The following NUP107 variants were observed in gnomAD, a reference collection of about 807,000 sequenced individuals.
NUP107 encodes nucleoporin 107, also known as nuclear pore complex protein Nup107.
In NUP107, 101 loss-of-function variants were observed where a neutral mutation model predicts 141.0. That is an observed-to-expected ratio of 0.72 (90% confidence interval 0.61 to 0.84). The LOEUF (loss-of-function observed/expected upper bound fraction) is 0.84. Among genes scored for constraint, NUP107 ranks in the 40% least tolerant of loss-of-function variants. The pLI, the probability that NUP107 is intolerant of heterozygous loss-of-function variation, is 0.00. For missense variants in NUP107, 941 were observed against 1,102.7 expected (o/e 0.85, Z 2.08); for synonymous variants, 319 against 363.9 (o/e 0.88, Z 1.41).
rs780424703 is a variant in NUP107 at position 68,689,007 on chromosome 12, G to A, written c.54G>A (p.Glu18=). 6.2e-7 allele frequency: 1 copy of A among 1,613,776 alleles called. No individual in the cohort carries two copies. The highest frequency in any genetic ancestry group is 1.1e-5 in the South Asian group (1 of 91,036). Residue 18 remains glutamate (E), a synonymous_variant, in exon 2 of 28, where the codon GAG becomes GAA. Coordinates refer to ENST00000229179, the MANE Select transcript of NUP107 (RefSeq NM_020401.4). ...EISSPVIREA[E]VTRTARKQSA... ...CATCCCCTGTAATCCGGGAGGCAGA[G>A]GTGACACGGACTGCACGGAAACAGA... is the stretch of plus-strand genomic sequence containing the variant.
intron 9 of NUP107, 91 bp downstream of exon 9, chr12:68,709,400 GT>G: frequency 2.9e-6 from 2 of 683,660 alleles, no homozygotes; most frequent in Non-Finnish European, 4.8e-6. Context: ...ACTTAAAACT[GT>G]TTTCTGAATT....
At chr12:68,719,867 C>T (rs1240270177) in intron 14 of NUP107, among the ~76,000 whole-genome samples, 1 of 152,096 alleles carries the variant, frequency 6.6e-6, no homozygotes, top group East Asian at 1.9e-4. Context: ...AAAGGAGGTA[C>T]CAAATGAATT....
chr12:68,712,117 A>C (rs1384533435), intron 10 of NUP107, among the ~76,000 whole-genome samples: 3 of 152,170 alleles, frequency 2.0e-5, no homozygotes, highest in Non-Finnish European at 4.4e-5. Flanking sequence ...GTTTATTTTA[A>C]GTCTTGCAAA....
intron 17 of NUP107, among the ~76,000 whole-genome samples, chr12:68,723,449 T>C (rs923693191): frequency 2.6e-5 from 4 of 151,830 alleles, no homozygotes; most frequent in Admixed American, 1.3e-4. Context: ...TAAAGAAACA[T>C]TTTGAAATGG....
chr12:68,702,797 T>G lies in NUP107; in HGVS notation c.729+13T>G, dbSNP rs1044333918. The G allele has an allele frequency of 6.9e-7, 1 of 1,445,856 alleles. No individual in the cohort carries two copies. Among genetic ancestry groups the G allele is most frequent in the Admixed American group, 2.1e-5 (1 of 48,672 alleles). The allele number at this position is 1,445,856 out of a possible 1,614,324, so 89.6% of individuals were successfully genotyped here. On this transcript the variant is annotated intron_variant, in intron 8 of 27. Coordinates refer to ENST00000229179, the MANE Select transcript of NUP107 (RefSeq NM_020401.4). ...ATTCGCAGTTACTGTAAGTTTTATA[T>G]TAATTTTTTCTTTTATAAATACATA...
rs1056351300 is a variant in NUP107, at chr12:68,744,437, G to A, written c.*1975G>A. 4 of 152,090 alleles carry A rather than the reference G, an allele frequency of 2.6e-5. No homozygotes were observed. The highest frequency in any genetic ancestry group is 5.9e-5 in the Non-Finnish European group (4 of 68,012). 9.4% of individuals were successfully genotyped at this position (152,090 alleles called of 1,614,324 possible). A position where few individuals can be genotyped will look rare whatever the true frequency, so the allele number is the denominator to read the frequency against. On this transcript the variant is annotated 3_prime_UTR_variant, in exon 28 of 28. Transcript: ENST00000229179. ...GTCTTGCTCTGTCTCCCAGGCCGGAGTGCAGTGGCATGATATCTCACTGCA... is the reference window on the plus strand; with the variant it reads ...GTCTTGCTCTGTCTCCCAGGCCGGAATGCAGTGGCATGATATCTCACTGCA...
intron 15 of NUP107, 146 bp from the exon 16 acceptor site, chr12:68,721,695 G>A: frequency 1.4e-6 from 1 of 728,674 alleles, no homozygotes; most frequent in South Asian, 2.0e-5. Context: ...GCGGAGGAAA[G>A]GTTATTTGGC....
At chr12:68,688,042 T>C (rs951505508) in intron 1 of NUP107, among the ~76,000 whole-genome samples, 16 of 152,216 alleles carry the variant, frequency 1.1e-4, no homozygotes, top group African/African-American at 3.4e-4. Flanking sequence ...GAAAAAAAAG[T>C]ACGTGTAGCT....
At chr12:68,700,107 T>C (rs2136006551) in intron 6 of NUP107, among the ~76,000 whole-genome samples, 1 of 152,222 alleles carries the variant, frequency 6.6e-6, no homozygotes, top group Non-Finnish European at 1.5e-5. Flanking sequence ...TTTCACCATG[T>C]TGGCCAGGCT....
Position 68,743,819 on chromosome 12 carries a change from T to A in NUP107, c.*1357T>A, listed in dbSNP as rs1198412913. On this transcript the variant is annotated 3_prime_UTR_variant, in exon 28 of 28. Transcript: ENST00000229179. ...GATCAGTTCTATATTATGTGCTTTT[T>A]TTGTTTTATTTCTCTAAAGAATTCA... 1 of 152,244 alleles carries A rather than the reference T, an allele frequency of 6.6e-6. No individual in the cohort carries two copies. Among genetic ancestry groups the A allele is most frequent in the Non-Finnish European group, 1.5e-5 (1 of 68,046 alleles). 9.4% of individuals were successfully genotyped at this position (152,244 alleles called of 1,614,324 possible).
chr12:68,699,371 G>A (rs933485939), intron 6 of NUP107, among the ~76,000 whole-genome samples: 12 of 151,888 alleles, frequency 7.9e-5, no homozygotes, highest in African/African-American at 2.2e-4. Flanking sequence ...AGACTCCTCC[G>A]TCTCAAAATA....
intron 6 of NUP107, among the ~76,000 whole-genome samples, 198 bp from the exon 7 acceptor site, chr12:68,700,528 C>T (rs917712808): frequency 6.6e-6 from 1 of 152,110 alleles, no homozygotes; most frequent in Non-Finnish European, 1.5e-5. Flanking sequence ...CTCAGATAAA[C>T]ACACCTTGTT....
At chr12:68,733,106 A>C (rs1877911168) in intron 23 of NUP107, among the ~76,000 whole-genome samples, 1 of 151,998 alleles carries the variant, frequency 6.6e-6, no homozygotes, top group Admixed American at 6.6e-5. Context: ...TTATCTATCA[A>C]ACCTGGTATT....
chr12:68,708,622 T>G (rs977134610), intron 8 of NUP107, among the ~76,000 whole-genome samples: 1 of 152,056 alleles, frequency 6.6e-6, no homozygotes, highest in East Asian at 1.9e-4. Context: ...TATTACAGTT[T>G]TTTTTTTTTT....
rs777490547 is a variant in NUP107, at chr12:68,713,717, T to C, written c.891-13T>C. On this transcript the variant is annotated splice_polypyrimidine_tract_variant and intron_variant, in intron 10 of 27. Coordinates refer to ENST00000229179, the MANE Select transcript of NUP107 (RefSeq NM_020401.4). ...TACCTCTTAAAAAATTTGGTACTTA[T>C]TATTTCTTTCAGGGAAAATACTCTG... 6.9e-6 allele frequency: 11 copies of C among 1,583,842 alleles called. No individual in the cohort carries two copies. In the East Asian group the frequency reaches 1.4e-4, roughly 20 times the overall value.
At chr12:68,728,094 G>A (rs1181759065) in intron 20 of NUP107, among the ~76,000 whole-genome samples, 3 of 152,028 alleles carry the variant, frequency 2.0e-5, no homozygotes, top group Non-Finnish European at 2.9e-5. Context: ...ATCAGCCTGG[G>A]CAACATAGGG....
In NUP107 at chr12:68,744,831, A is replaced by C. The variant is rs1380482630; in HGVS notation, c.*2369A>C. 1 of 152,198 alleles carries C rather than the reference A, an allele frequency of 6.6e-6. No individual in the cohort carries two copies. The highest frequency in any genetic ancestry group is 1.5e-5 in the Non-Finnish European group (1 of 68,050). The allele number at this position is 152,198 out of a possible 1,614,324, so 9.4% of individuals were successfully genotyped here. A position where few individuals can be genotyped will look rare whatever the true frequency, so the allele number is the denominator to read the frequency against. On this transcript the variant is annotated 3_prime_UTR_variant, in exon 28 of 28. Transcript: ENST00000229179. ...GAACACCAGAAGTGGTGGGCACCTG[A>C]GTGGGAAATTTCAGGCAACTTAATT...
At chr12:68,737,057 AAC>A (rs2136050926) in intron 26 of NUP107, among the ~76,000 whole-genome samples, 1 of 152,248 alleles carries the variant, frequency 6.6e-6, no homozygotes, top group Admixed American at 6.5e-5. Flanking sequence ...ACTCGTTTTA[AAC>A]CTTCCACAGG....
intron 20 of NUP107, among the ~76,000 whole-genome samples, chr12:68,729,178 C>T (rs1439548938): frequency 6.6e-6 from 1 of 152,132 alleles, no homozygotes; most frequent in Non-Finnish European, 1.5e-5. Flanking sequence ...TGAGCTCACC[C>T]CAGTAGTGGC....
Sources: gnomAD v4.1 joint callset for allele counts (sites outside exome capture counted in the v4.1 genomes callset) on GRCh38, gnomAD v4.1.1 for gene constraint, MANE v1.5 for transcripts, NCBI Gene and HGNC (gene_info 2026-07-23, HGNC 2026-07-21) for gene names.